The following HDAC9 variants were observed in gnomAD, a reference collection of about 807,000 sequenced individuals.
HDAC9 encodes the protein MEF-2 interacting transcription repressor (MITR) protein.
A neutral mutation model predicts 139.4 loss-of-function variants in HDAC9; 41 were observed. The observed-to-expected ratio is 0.29, with a 90% confidence interval of 0.23 to 0.38. The LOEUF is 0.38. Among genes scored for constraint, HDAC9 ranks in the 10% least tolerant of loss-of-function variants. The pLI is 1.00. For missense variants in HDAC9, 1,147 were observed against 1,297.0 expected (o/e 0.88, Z 1.78); for synonymous variants, 517 against 476.2 (o/e 1.09, Z -1.12).
At chr7:18,746,859 T>C (rs1177988459) in intron 13 of HDAC9, among the ~76,000 whole-genome samples, 3 of 150,612 alleles carry the variant, frequency 2.0e-5, no homozygotes, top group Non-Finnish European at 3.0e-5. Flanking sequence ...ACAACAATTA[T>C]ATAATTGTGA....
intron 2 of HDAC9, among the ~76,000 whole-genome samples, chr7:18,540,398 T>C (rs1812439883): frequency 1.3e-5 from 2 of 152,198 alleles, no homozygotes; most frequent in South Asian, 4.1e-4. Flanking sequence ...ATATTTATTC[T>C]TTCCTTTAAC....
chr7:18,806,591 T>A (rs774263413), intron 17 of HDAC9, among the ~76,000 whole-genome samples: 13 of 152,358 alleles, frequency 8.5e-5, no homozygotes, highest in Middle Eastern at 3.4e-3. Context: ...CTTTTAAGGA[T>A]GCATGTAATT....
At chr7:18,609,818 C>T (rs1836604100) in intron 6 of HDAC9, among the ~76,000 whole-genome samples, 1 of 147,064 alleles carries the variant, frequency 6.8e-6, no homozygotes, top group Non-Finnish European at 1.5e-5. Context: ...GTGTGATGTT[C>T]CGTTTCCTGT....
At chr7:18,147,815 C>A (rs1293342544) in intron 1 of HDAC9, among the ~76,000 whole-genome samples, 1 of 151,570 alleles carries the variant, frequency 6.6e-6, no homozygotes, top group African/African-American at 2.4e-5. Flanking sequence ...TTCATATGTT[C>A]TTGAACTTTA....
chr7:18,572,015 G>T (rs1425121635), intron 2 of HDAC9, among the ~76,000 whole-genome samples: 1 of 147,584 alleles, frequency 6.8e-6, no homozygotes, highest in Non-Finnish European at 1.5e-5. Flanking sequence ...TGTACTTTTT[G>T]TAAGCAAGAA....
intron 22 of HDAC9, among the ~76,000 whole-genome samples, chr7:18,887,471 T>A (rs1800264243): frequency 6.6e-6 from 1 of 152,182 alleles, no homozygotes; most frequent in Non-Finnish European, 1.5e-5. Context: ...TTCTTTTTAT[T>A]CCTAACAGAA....
chr7:18,676,360 A>C (rs1781508633), intron 12 of HDAC9, among the ~76,000 whole-genome samples: 1 of 150,682 alleles, frequency 6.6e-6, no homozygotes, highest in Admixed American at 6.6e-5. Context: ...CCCACCTACT[A>C]TCTCTAGTTA....
At chr7:18,124,941 G>C (rs1784566377) in intron 1 of HDAC9, among the ~76,000 whole-genome samples, 1 of 150,544 alleles carries the variant, frequency 6.6e-6, no homozygotes, top group South Asian at 2.1e-4. Flanking sequence ...GGAAATAGAT[G>C]ACAGTGGTTG....
intron 1 of HDAC9, among the ~76,000 whole-genome samples, chr7:18,403,893 G>A (rs906743897): frequency 6.6e-6 from 1 of 152,166 alleles, no homozygotes; most frequent in Non-Finnish European, 1.5e-5. Context: ...TCTACCCTGG[G>A]TAGGGCAGGG....
rs187350409 is a variant in HDAC9 at position 18,357,847 on chromosome 7, G to C, written c.-42+67332G>C. ...AAGAAGTAAGCTAGGATGTGGCTTG[G>C]GGAGGTAACTGGCCAGGACTGAAAG... On this transcript the variant is annotated intron_variant, in intron 1 of 3. Transcript: ENST00000413509. Among the ~76,000 whole-genome samples, 10 of 152,258 alleles carry C rather than the reference G, an allele frequency of 6.6e-5. No individual in the cohort carries two copies. The East Asian group carries it at 1.9e-3, about 29-fold the overall frequency.
upstream of HDAC9, among the ~76,000 whole-genome samples, chr7:18,288,314 C>T (rs1434441983): frequency 6.6e-6 from 1 of 152,154 alleles, no homozygotes; most frequent in South Asian, 2.1e-4. Flanking sequence ...TTTACTTTTA[C>T]CATCTATAAT....
chr7:18,844,806 A>G (rs1562983228), intron 21 of HDAC9, among the ~76,000 whole-genome samples: 2 of 152,180 alleles, frequency 1.3e-5, no homozygotes, highest in Non-Finnish European at 2.9e-5. Context: ...TTTTAGTTTC[A>G]GAAAGTCTCC....
At chr7:18,681,546 A>G (rs1160136347) in intron 12 of HDAC9, among the ~76,000 whole-genome samples, 1 of 152,096 alleles carries the variant, frequency 6.6e-6, no homozygotes, top group African/African-American at 2.4e-5. Flanking sequence ...TTGATTTGCA[A>G]TAAGGACTTC....
At chr7:18,100,610 G>T (rs546245194) in intron 1 of HDAC9, among the ~76,000 whole-genome samples, 4 of 152,136 alleles carry the variant, frequency 2.6e-5, no homozygotes, top group African/African-American at 4.8e-5. Flanking sequence ...GTTCAATGGG[G>T]TGTTTCACAA....
At chr7:18,143,303 T>TA (rs985267057) in intron 1 of HDAC9, among the ~76,000 whole-genome samples, 53 of 152,348 alleles carry the variant, frequency 3.5e-4, no homozygotes, top group African/African-American at 1.1e-3. Context: ...TGTTAATTCT[T>TA]ACCACACAAC....
At chr7:18,917,328 G>T (rs1217982085) in intron 22 of HDAC9, among the ~76,000 whole-genome samples, 2 of 151,774 alleles carry the variant, frequency 1.3e-5, no homozygotes, top group East Asian at 3.9e-4. Context: ...AAAAAACTGG[G>T]ATTTTTTTTT....
intron 5 of HDAC9, 109 bp downstream of exon 5, chr7:18,591,751 G>A (rs1021101562): frequency 1.3e-5 from 19 of 1,416,978 alleles, no homozygotes; most frequent in Non-Finnish European, 1.8e-5. Context: ...CTGTCTGGCT[G>A]TGGGCAAGTT....
At chr7:18,668,537 A>C in intron 12 of HDAC9, 7 of 980,220 alleles carry the variant, frequency 7.1e-6, no homozygotes, top group Non-Finnish European at 8.5e-6. Context: ...CAAACAAAAA[A>C]AACTATTTTT....
chr7:18,375,541 C>T (rs1278775283), intron 1 of HDAC9, among the ~76,000 whole-genome samples: 3 of 152,062 alleles, frequency 2.0e-5, no homozygotes, highest in South Asian at 2.1e-4. Context: ...TAGGCCCTTA[C>T]TAAGTTGTCC....
Sources: allele counts gnomAD v4.1 joint callset (sites outside exome capture counted in the v4.1 genomes callset), GRCh38; gene constraint gnomAD v4.1.1; transcripts MANE v1.5; gene names NCBI Gene and HGNC (gene_info 2026-07-23, HGNC 2026-07-21).